Variants in TENM3 observed in about 807,000 individuals in gnomAD.
TENM3 encodes teneurin-3.
In TENM3, 63 loss-of-function variants were observed where a neutral mutation model predicts 255.1. The ratio of observed to expected loss-of-function variants is 0.25; its 90% confidence interval spans 0.20 to 0.30. The LOEUF (loss-of-function observed/expected upper bound fraction) is 0.30, where lower values mean the gene tolerates loss of function less well. Ranked by LOEUF, TENM3 falls within the 10% of genes least tolerant of loss-of-function variation. The pLI, the probability that TENM3 is intolerant of heterozygous loss-of-function variation, is 1.00. For synonymous variants in TENM3, 1,306 were observed against 1,322.3 expected, an observed-to-expected ratio of 0.99 and a Z score of 0.27; for missense variants, 2,929 against 3,461.1, an observed-to-expected ratio of 0.85 and a Z score of 3.86.
the TENM3 span, among the ~76,000 whole-genome samples, chr4:182,001,507 A>T: frequency 6.6e-6 from 1 of 152,094 alleles, no homozygotes; most frequent in African/African-American, 2.4e-5. Context: ...CAACATAAGA[A>T]ACCAAAATTT....
chr4:181,528,967 A>G, the TENM3 span, among the ~76,000 whole-genome samples: 1 of 152,230 alleles, frequency 6.6e-6, no homozygotes, highest in African/African-American at 2.4e-5. Context: ...TATATTTAAC[A>G]GTATATGAGT....
At chr4:181,882,646 G>A in the TENM3 span, among the ~76,000 whole-genome samples, 354 of 152,210 alleles carry the variant, frequency 2.3e-3, 1 homozygote, top group African/African-American at 8.0e-3. Flanking sequence ...CAAATCAGAG[G>A]ATTAAAACCA....
At chr4:182,726,491 A>T (rs1352314948) in intron 13 of TENM3, among the ~76,000 whole-genome samples, 1 of 152,144 alleles carries the variant, frequency 6.6e-6, no homozygotes, top group Middle Eastern at 3.2e-3. Flanking sequence ...AATCCCAGTC[A>T]CACAGCCTCA....
chr4:181,712,623 C>T, the TENM3 span, among the ~76,000 whole-genome samples: 2 of 152,280 alleles, frequency 1.3e-5, no homozygotes, highest in African/African-American at 4.8e-5. Context: ...CTATTACTCC[C>T]TCAGTCCATA....
At chr4:182,016,222 C>T in the TENM3 span, among the ~76,000 whole-genome samples, 1 of 152,130 alleles carries the variant, frequency 6.6e-6, no homozygotes, top group Admixed American at 6.6e-5. Context: ...ATACCATGCT[C>T]CTATTTGAAT....
chr4:182,238,550 T>G (rs1757032791), upstream of TENM3, among the ~76,000 whole-genome samples: 2 of 152,184 alleles, frequency 1.3e-5, no homozygotes, highest in Non-Finnish European at 2.9e-5. Flanking sequence ...CTAGCAGGGG[T>G]GCTCTATTAG....
the TENM3 span, among the ~76,000 whole-genome samples, chr4:182,097,164 T>C: frequency 3.9e-5 from 6 of 152,294 alleles, no homozygotes; most frequent in African/African-American, 1.4e-4. Context: ...TAATAATTTA[T>C]TAAGCCATGC....
chr4:181,722,929 T>A, the TENM3 span, among the ~76,000 whole-genome samples: 1 of 152,152 alleles, frequency 6.6e-6, no homozygotes, highest in Non-Finnish European at 1.5e-5. Context: ...AGGACCACAA[T>A]GGGCCAGGCT....
At chr4:182,123,703 T>C in the TENM3 span, among the ~76,000 whole-genome samples, 1 of 152,114 alleles carries the variant, frequency 6.6e-6, no homozygotes, top group Non-Finnish European at 1.5e-5. Flanking sequence ...AAATGTGAAA[T>C]GTTGCTATAA....
intron 3 of TENM3, among the ~76,000 whole-genome samples, chr4:182,458,000 T>C (rs1345412846): frequency 6.6e-6 from 1 of 152,258 alleles, no homozygotes; most frequent in Non-Finnish European, 1.5e-5. Flanking sequence ...TCTATAACTT[T>C]TCATAAACGT....
intron 3 of TENM3, among the ~76,000 whole-genome samples, chr4:182,591,642 C>T (rs925878720): frequency 1.3e-5 from 2 of 152,078 alleles, no homozygotes; most frequent in Non-Finnish European, 2.9e-5. Context: ...TGTATTTTAA[C>T]CAAGGGCTTA....
intron 3 of TENM3, among the ~76,000 whole-genome samples, chr4:182,371,623 T>G (rs1158691804): frequency 6.6e-6 from 1 of 152,174 alleles, no homozygotes; most frequent in East Asian, 1.9e-4. Context: ...CATGGATGAC[T>G]AGATTAGGAT....
the TENM3 span, among the ~76,000 whole-genome samples, chr4:181,583,274 G>C: frequency 6.6e-6 from 1 of 152,110 alleles, no homozygotes; most frequent in East Asian, 1.9e-4. Context: ...GAATATTCTA[G>C]GCAAAGTTCC....
At chr4:181,589,933 G>A in the TENM3 span, among the ~76,000 whole-genome samples, 1 of 152,124 alleles carries the variant, frequency 6.6e-6, no homozygotes, top group Non-Finnish European at 1.5e-5. Context: ...CGAAACAGAA[G>A]GGAGGTCAGC....
chr4:182,401,993 A>G (rs1769243215), intron 3 of TENM3, among the ~76,000 whole-genome samples: 2 of 152,190 alleles, frequency 1.3e-5, no homozygotes, highest in Admixed American at 1.3e-4. Context: ...TATCTGTGCT[A>G]AACAGAATTT....
chr4:182,041,911 G>A, the TENM3 span, among the ~76,000 whole-genome samples: 3 of 152,290 alleles, frequency 2.0e-5, no homozygotes, highest in African/African-American at 7.2e-5. Context: ...ATTCCAAAAA[G>A]TATAATTAAT....
the TENM3 span, among the ~76,000 whole-genome samples, chr4:181,598,258 T>C: frequency 6.6e-6 from 1 of 152,172 alleles, no homozygotes; most frequent in South Asian, 2.1e-4. Flanking sequence ...GCTATTAATA[T>C]CCCATAGTAT....
intron 19 of TENM3, among the ~76,000 whole-genome samples, chr4:182,748,500 A>G (rs1044233025): frequency 6.6e-6 from 1 of 152,200 alleles, no homozygotes; most frequent in Non-Finnish European, 1.5e-5. Flanking sequence ...AAAGTTGGAA[A>G]GCAAGCACGA....
the TENM3 span, among the ~76,000 whole-genome samples, chr4:182,003,710 CAT>C: frequency 1.3e-5 from 2 of 152,104 alleles, no homozygotes; most frequent in African/African-American, 4.8e-5. Flanking sequence ...AGTCACTACA[CAT>C]GTCAAAGACT....
Sources: gnomAD v4.1 joint callset for allele counts (sites outside exome capture counted in the v4.1 genomes callset) on GRCh38, gnomAD v4.1.1 for gene constraint, MANE v1.5 for transcripts, NCBI Gene and HGNC (gene_info 2026-07-23, HGNC 2026-07-21) for gene names.